LRRC8D: variants seen among roughly 807,000 people sequenced by gnomAD.
The protein encoded by LRRC8D is volume-regulated anion channel subunit LRRC8D.
A neutral mutation model predicts 55.8 loss-of-function variants in LRRC8D; 20 were observed. The ratio of observed to expected loss-of-function variants is 0.36; its 90% CI spans 0.25 to 0.52. The LOEUF is 0.52. Among genes scored for constraint, LRRC8D ranks in the 20% least tolerant of loss-of-function variants. LRRC8D has a pLI of 0.93. For synonymous variants in LRRC8D, 352 were observed against 377.0 expected (o/e 0.93, Z 0.77); for missense variants, 651 against 1,030.8 (o/e 0.63, Z 5.05).
intron 2 of LRRC8D, among the ~76,000 whole-genome samples, chr1:89,858,618 G>A (rs778379660): frequency 3.3e-5 from 5 of 151,952 alleles, no homozygotes; most frequent in Non-Finnish European, 7.4e-5. Context: ...AAAGTTATAA[G>A]TTTTGTAAGT....
intron 2 of LRRC8D, among the ~76,000 whole-genome samples, chr1:89,879,364 G>A (rs568729839): frequency 2.4e-3 from 359 of 152,312 alleles, no homozygotes; most frequent in Non-Finnish European, 3.3e-3. Flanking sequence ...CTTTTGAGCA[G>A]ACCGACATCA....
chr1:89,844,588 A>T (rs1661225682), intron 2 of LRRC8D, among the ~76,000 whole-genome samples: 1 of 152,184 alleles, frequency 6.6e-6, no homozygotes, highest in African/African-American at 2.4e-5. Flanking sequence ...ATTGAGAGTG[A>T]CTTTTCTCAA....
chr1:89,886,171 T>A (rs907574430), intron 2 of LRRC8D, among the ~76,000 whole-genome samples: 16 of 152,302 alleles, frequency 1.1e-4, no homozygotes, highest in African/African-American at 3.4e-4. Context: ...TAGTGCCTCA[T>A]CCATGGCAGT....
At chr1:89,912,679 A>C (rs1663164191) in intron 2 of LRRC8D, among the ~76,000 whole-genome samples, 1 of 152,058 alleles carries the variant, frequency 6.6e-6, no homozygotes, top group Non-Finnish European at 1.5e-5. Flanking sequence ...TCATTCTATC[A>C]TGTTATGTTT....
intron 2 of LRRC8D, among the ~76,000 whole-genome samples, chr1:89,860,622 G>A (rs1475593255): frequency 1.3e-5 from 2 of 150,406 alleles, no homozygotes; most frequent in African/African-American, 4.9e-5. Flanking sequence ...GCTGAGCGTG[G>A]TGGTGCGCGG....
chr1:89,886,610 A>C (rs958286011), intron 2 of LRRC8D, among the ~76,000 whole-genome samples: 2 of 152,214 alleles, frequency 1.3e-5, no homozygotes, highest in East Asian at 3.9e-4. Context: ...CATTTTCCTC[A>C]GTTTTTATCT....
At chr1:89,829,732 C>T (rs1462663728) in intron 1 of LRRC8D, among the ~76,000 whole-genome samples, 1 of 152,234 alleles carries the variant, frequency 6.6e-6, no homozygotes, top group Non-Finnish European at 1.5e-5. Context: ...CTTGTCACCC[C>T]AAGTTGGTCT....
intron 1 of LRRC8D, among the ~76,000 whole-genome samples, chr1:89,825,168 CTG>C (rs1660734569): frequency 6.6e-6 from 1 of 152,164 alleles, no homozygotes; most frequent in Admixed American, 6.5e-5. Flanking sequence ...TTGTTGAAAA[CTG>C]TAGTCAGTAC....
At chr1:89,902,813 C>T (rs1019284099) in intron 2 of LRRC8D, among the ~76,000 whole-genome samples, 48 of 152,164 alleles carry the variant, frequency 3.2e-4, no homozygotes, top group African/African-American at 7.2e-5. Context: ...CGTGAGCCAC[C>T]GTGCCCAGCC....
At chr1:89,907,519 A>C (rs944005557) in intron 2 of LRRC8D, among the ~76,000 whole-genome samples, 1 of 152,138 alleles carries the variant, frequency 6.6e-6, no homozygotes, top group African/African-American at 2.4e-5. Flanking sequence ...TGTATTGCCT[A>C]TGAGCAGATG....
At chr1:89,842,920 G>A (rs1661170784) in intron 1 of LRRC8D, 1 of 152,276 alleles carries the variant, frequency 6.6e-6, no homozygotes, top group Non-Finnish European at 1.5e-5. Context: ...GGTAGACTGT[G>A]AGGATGAGGT....
intron 2 of LRRC8D, among the ~76,000 whole-genome samples, chr1:89,932,534 T>G (rs762674015): frequency 4.6e-5 from 7 of 152,212 alleles, no homozygotes; most frequent in Non-Finnish European, 8.8e-5. Context: ...AATTTAACCT[T>G]TCCAACAACC....
chr1:89,868,131 A>G (rs1661898867), intron 2 of LRRC8D, among the ~76,000 whole-genome samples: 1 of 152,248 alleles, frequency 6.6e-6, no homozygotes, highest in South Asian at 2.1e-4. Flanking sequence ...TTACTAGCAC[A>G]ATCAAGCCAA....
At chr1:89,894,540 A>G (rs1158518615) in intron 2 of LRRC8D, among the ~76,000 whole-genome samples, 3 of 152,220 alleles carry the variant, frequency 2.0e-5, no homozygotes, top group African/African-American at 7.2e-5. Flanking sequence ...GGCAAGCTGA[A>G]CTTAAATCTT....
At chr1:89,824,723 A>G (rs1450396856) in intron 1 of LRRC8D, among the ~76,000 whole-genome samples, 3 of 152,046 alleles carry the variant, frequency 2.0e-5, no homozygotes, top group Non-Finnish European at 4.4e-5. Flanking sequence ...TTCTTTTCAC[A>G]GTCTTTTATT....
At chr1:89,921,035 T>G (rs1663404910) in intron 2 of LRRC8D, among the ~76,000 whole-genome samples, 1 of 152,182 alleles carries the variant, frequency 6.6e-6, no homozygotes, top group South Asian at 2.1e-4. Flanking sequence ...AAAGTGAAAG[T>G]TGATATTTGA....
At chr1:89,843,897 C>G (rs983032827) in intron 2 of LRRC8D, 115 bp downstream of exon 2, 9 of 517,648 alleles carry the variant, frequency 1.7e-5, no homozygotes, top group Admixed American at 3.3e-5. Context: ...TTGCCCGCCC[C>G]CCACCACTGG....
chr1:89,823,993 C>T (rs1449318382), intron 1 of LRRC8D, among the ~76,000 whole-genome samples: 1 of 152,190 alleles, frequency 6.6e-6, no homozygotes, highest in Non-Finnish European at 1.5e-5. Flanking sequence ...TCATTTGCCT[C>T]AAGACCAGTG....
intron 2 of LRRC8D, among the ~76,000 whole-genome samples, chr1:89,848,227 T>C (rs753152957): frequency 2.6e-5 from 4 of 152,192 alleles, no homozygotes; most frequent in Non-Finnish European, 5.9e-5. Context: ...ACAATACTTC[T>C]GCGAATATGC....
Sources: allele counts gnomAD v4.1 joint callset (sites outside exome capture counted in the v4.1 genomes callset), GRCh38; gene constraint gnomAD v4.1.1; transcripts MANE v1.5; gene names NCBI Gene and HGNC (gene_info 2026-07-23, HGNC 2026-07-21).